Variants in DLG2 observed in about 807,000 individuals in gnomAD.
DLG2 encodes the protein disks large homolog 2.
DLG2 carries 45 observed loss-of-function variants against 132.5 expected under a neutral mutation model. The ratio of observed to expected loss-of-function variants is 0.34; its 90% CI spans 0.27 to 0.44. The LOEUF is 0.44. Among genes scored for constraint, DLG2 ranks in the 20% least tolerant of loss-of-function variants. The pLI is 1.00. For missense variants in DLG2, 1,045 were observed against 1,196.9 expected (o/e 0.87, Z 1.87); for synonymous variants, 424 against 419.6 (o/e 1.01, Z -0.13).
At chr11:84,749,893 T>A (rs919911841) in intron 6 of DLG2, among the ~76,000 whole-genome samples, 6 of 152,132 alleles carry the variant, frequency 3.9e-5, no homozygotes, top group African/African-American at 1.4e-4. Context: ...TTCACAGTAA[T>A]CCCTGTAAGG....
intron 8 of DLG2, among the ~76,000 whole-genome samples, chr11:84,242,340 T>C (rs865957411): frequency 6.6e-6 from 1 of 152,142 alleles, no homozygotes; most frequent in East Asian, 1.9e-4. Flanking sequence ...TCAGGTCTTC[T>C]GTTGGTTTTT....
At chr11:83,980,399 C>A in intron 12 of DLG2, 107 bp downstream of exon 12, 1 of 1,256,202 alleles carries the variant, frequency 8.0e-7, no homozygotes, top group South Asian at 1.8e-5. Flanking sequence ...TTAAGCCACC[C>A]ACCCTGTGGT....
intron 6 of DLG2, among the ~76,000 whole-genome samples, chr11:84,785,525 C>A (rs1310399657): frequency 6.6e-6 from 1 of 151,920 alleles, no homozygotes; most frequent in Admixed American, 6.6e-5. Flanking sequence ...TTCTATTATT[C>A]CTTCATAATT....
intron 21 of DLG2, among the ~76,000 whole-genome samples, chr11:83,503,457 A>ACACC (rs2139305314): frequency 6.9e-6 from 1 of 145,954 alleles, no homozygotes; most frequent in Non-Finnish European, 1.5e-5. Context: ...ATTTATACAC[A>ACACC]CACACACATA....
intron 6 of DLG2, among the ~76,000 whole-genome samples, chr11:84,777,295 A>ATATATATATATATG (rs2070786321): frequency 1.7e-5 from 1 of 60,154 alleles, no homozygotes; most frequent in African/African-American, 5.0e-5. Flanking sequence ...ATATATATAT[A>ATATATATATATATG]TATATATATA....
At chr11:85,563,876 T>A (rs901123463) in intron 3 of DLG2, among the ~76,000 whole-genome samples, 3 of 152,146 alleles carry the variant, frequency 2.0e-5, no homozygotes, top group Non-Finnish European at 1.5e-5. Flanking sequence ...TTAACTTTTT[T>A]AAAAAGTACC....
chr11:83,483,977 T>G, intron 22 of DLG2, 152 bp downstream of exon 22: 1 of 636,230 alleles, frequency 1.6e-6, no homozygotes, highest in African/African-American at 1.9e-5. Flanking sequence ...CAGACTGTAG[T>G]CAGACGCTGG....
At chr11:84,419,533 C>T (rs549525796) in intron 7 of DLG2, among the ~76,000 whole-genome samples, 1 of 152,254 alleles carries the variant, frequency 6.6e-6, no homozygotes, top group South Asian at 2.1e-4. Context: ...ATTAAAAACA[C>T]GTTTGAGAAA....
intron 6 of DLG2, among the ~76,000 whole-genome samples, chr11:84,740,585 C>G (rs190785786): frequency 1.3e-5 from 2 of 152,264 alleles, no homozygotes; most frequent in Non-Finnish European, 2.9e-5. Flanking sequence ...AGGCCAGTAG[C>G]TACTGCACCT....
chr11:84,062,738 T>TG (rs1489037314), intron 10 of DLG2, among the ~76,000 whole-genome samples: 1 of 149,620 alleles, frequency 6.7e-6, no homozygotes, highest in South Asian at 2.1e-4. Context: ...TTGTTTTAAT[T>TG]TTTTTTTTTA....
At chr11:85,223,538 T>G (rs2074790919) in intron 4 of DLG2, among the ~76,000 whole-genome samples, 1 of 151,956 alleles carries the variant, frequency 6.6e-6, no homozygotes, top group Non-Finnish European at 1.5e-5. Context: ...TACTCAGAAG[T>G]CTACCTGGGA....
At chr11:84,816,964 T>G (rs1036978232) in intron 6 of DLG2, among the ~76,000 whole-genome samples, 1 of 152,028 alleles carries the variant, frequency 6.6e-6, no homozygotes, top group African/African-American at 2.4e-5. Context: ...ATCTGTAAAA[T>G]AGGTATCCCA....
At chr11:84,546,303 CT>C (rs1565259492) in intron 6 of DLG2, among the ~76,000 whole-genome samples, 1 of 152,142 alleles carries the variant, frequency 6.6e-6, no homozygotes, top group Non-Finnish European at 1.5e-5. Context: ...TCTCTTCCTC[CT>C]GCTCTGGCCA....
At chr11:84,708,314 G>A (rs1172806504) in intron 6 of DLG2, among the ~76,000 whole-genome samples, 2 of 151,848 alleles carry the variant, frequency 1.3e-5, no homozygotes, top group East Asian at 3.9e-4. Context: ...TTTAAAATAT[G>A]AGTGAGACCA....
Position 83,532,794 on chromosome 11 carries a change from T to C in DLG2, c.2118-11A>G. The C allele has an allele frequency of 6.2e-7, 1 of 1,610,590 alleles. No homozygotes were observed. The highest frequency in any genetic ancestry group is 8.5e-7 in the Non-Finnish European group (1 of 1,178,128). ...TCCTTTCTTTCCACCCTAAAGCAAA[T>C]TGAGAATAAAGAGTCTCTCACGTGA... On this transcript the variant is annotated splice_polypyrimidine_tract_variant and intron_variant, in intron 20 of 27. Coordinates refer to ENST00000376104, the MANE Select transcript of DLG2 (RefSeq NM_001142699.3).
chr11:84,648,076 A>G (rs768971726), intron 6 of DLG2, among the ~76,000 whole-genome samples: 13 of 152,190 alleles, frequency 8.5e-5, no homozygotes, highest in Non-Finnish European at 1.6e-4. Context: ...AGCTAGTAAA[A>G]ACAGGAACTA....
intron 4 of DLG2, among the ~76,000 whole-genome samples, chr11:85,258,998 C>T (rs1055010282): frequency 6.6e-6 from 1 of 152,046 alleles, no homozygotes; most frequent in Non-Finnish European, 1.5e-5. Context: ...GAGTAAGGAC[C>T]ATATATTTCA....
chr11:84,277,355 G>T (rs1243290211), intron 7 of DLG2, among the ~76,000 whole-genome samples: 1 of 152,014 alleles, frequency 6.6e-6, no homozygotes, highest in African/African-American at 2.4e-5. Flanking sequence ...AATTTAAAAA[G>T]ATTCACGTCA....
rs529296544 is a variant in DLG2 at position 85,581,531 on chromosome 11, T to G, written c.40+17126A>C. ...TACTCGGGAGGCTGAGGCAGGGGAA[T>G]TGCTTGAACCTGGGAGGTGGAGGTT... On this transcript the variant is annotated intron_variant, in intron 3 of 27. Transcript: ENST00000376104. Among the ~76,000 whole-genome samples the G allele has an allele frequency of 2.6e-5, 4 of 151,890 alleles. No homozygotes were observed. The East Asian group carries it at 7.8e-4, about 29-fold the overall frequency.
Sources: gnomAD v4.1 joint callset for allele counts (sites outside exome capture counted in the v4.1 genomes callset) on GRCh38, gnomAD v4.1.1 for gene constraint, MANE v1.5 for transcripts, NCBI Gene and HGNC (gene_info 2026-07-23, HGNC 2026-07-21) for gene names.